Variants in BPTF observed in about 807,000 individuals in gnomAD.
The protein encoded by BPTF is bromodomain PHD finger transcription factor, also known as nucleosome-remodeling factor subunit BPTF.
A neutral mutation model predicts 292.5 loss-of-function variants in BPTF; 18 were observed. The ratio of observed to expected loss-of-function variants is 0.06; its 90% CI spans 0.04 to 0.09. The LOEUF (loss-of-function observed/expected upper bound fraction) is 0.09. Ranked by LOEUF, BPTF falls within the 10% of genes least tolerant of loss-of-function variation. The pLI is 1.00. For missense variants in BPTF, 2,726 were observed against 3,498.7 expected, an observed-to-expected ratio of 0.78 and a Z score of 5.57; for synonymous variants, 1,225 against 1,251.9, an observed-to-expected ratio of 0.98 and a Z score of 0.45.
intron 18 of BPTF, among the ~76,000 whole-genome samples, chr17:67,935,151 CG>C (rs2064810121): frequency 6.6e-6 from 1 of 151,622 alleles, no homozygotes; most frequent in South Asian, 2.1e-4. Context: ...AGACCTGATG[CG>C]GTGGCTCACA....
At chr17:67,922,589 A>G (rs866181205) in intron 13 of BPTF, among the ~76,000 whole-genome samples, 63 of 152,318 alleles carry the variant, frequency 4.1e-4, no homozygotes, top group African/African-American at 1.3e-3. Context: ...GGGGGTCAGC[A>G]AACCACAGCC....
chr17:67,935,998 A>G (rs2064883488), intron 18 of BPTF, among the ~76,000 whole-genome samples: 1 of 151,862 alleles, frequency 6.6e-6, no homozygotes. Context: ...TGACATATCA[A>G]CAGAAGAAAT....
Position 67,911,065 on chromosome 17 carries a change from G to A in BPTF, c.3181G>A (p.Asp1061Asn). Residue 1061 changes from aspartate (D) to asparagine (N), a missense_variant, in exon 11 of 28, where the codon GAT becomes AAT. This residue lies in a region of BPTF where 713 missense variants were observed against 714.9 expected (regional missense o/e 1.00). Transcript: ENST00000306378. ...YKKKTKSSKL[D>N]GLLERRIKQF... ...AAAGAAAACAAAATCATCCAAACTAGATGGACTTCTTGAAAGGAGAATTAA... is the reference window on the plus strand; with the variant it reads ...AAAGAAAACAAAATCATCCAAACTAAATGGACTTCTTGAAAGGAGAATTAA... The A allele has an allele frequency of 6.2e-7, 1 of 1,613,042 alleles. No homozygotes were observed. The highest frequency in any genetic ancestry group is 8.5e-7 in the Non-Finnish European group (1 of 1,179,548).
chr17:67,860,074 A>G (rs1238046580), intron 2 of BPTF, among the ~76,000 whole-genome samples: 3 of 152,210 alleles, frequency 2.0e-5, no homozygotes, highest in Admixed American at 6.5e-5. Flanking sequence ...TCGTCATTCA[A>G]ATTGCCTTTT....
intron 1 of BPTF, among the ~76,000 whole-genome samples, chr17:67,839,355 C>T (rs1184997153): frequency 6.6e-6 from 1 of 151,342 alleles, no homozygotes. Flanking sequence ...TCAGCTATGG[C>T]TATTGTATTT....
Position 67,896,621 on chromosome 17 carries a change from T to G in BPTF, c.2543+2456T>G, listed in dbSNP as rs551556802. Among the ~76,000 whole-genome samples the G allele has an allele frequency of 2.6e-5, 4 of 152,360 alleles. No individual in the cohort carries two copies. The South Asian group carries it at 8.3e-4, about 32-fold the overall frequency. ...CATGTGTGATAACACAATGTTACAG[T>G]ATTGTTTAGGGATATAGACGTTTGT... On this transcript the variant is annotated intron_variant, in intron 7 of 27. Transcript: ENST00000306378.
chr17:67,832,711 C>T (rs2056799479), intron 1 of BPTF, among the ~76,000 whole-genome samples: 1 of 151,896 alleles, frequency 6.6e-6, no homozygotes, highest in African/African-American at 2.4e-5. Context: ...CAGCATCACT[C>T]CCTGTTCTTC....
At chr17:67,857,592 A>C (rs2058779417) in intron 2 of BPTF, among the ~76,000 whole-genome samples, 1 of 149,672 alleles carries the variant, frequency 6.7e-6, no homozygotes, top group Non-Finnish European at 1.5e-5. Flanking sequence ...TCAGCCCACC[A>C]AGTAGCTGGG....
chr17:67,956,008 T>G (rs528038241), intron 23 of BPTF: 1 of 151,660 alleles, frequency 6.6e-6, no homozygotes, highest in Non-Finnish European at 1.5e-5. Flanking sequence ...CTGGGTGTTA[T>G]GATACACGCC....
rs556867085 is a variant in BPTF, at chr17:67,890,073, A to G, written c.1865-1771A>G. Among the ~76,000 whole-genome samples the G allele has an allele frequency of 2.6e-5, 4 of 152,368 alleles. No homozygotes were observed. The South Asian group carries it at 8.3e-4, about 32-fold the overall frequency. Reference sequence around the variant, plus strand: ...GGGCTGGAAATTTGTAGAAATTTCTAGACCTACTTTTGAATTGTATTTTCT... The same window carrying G: ...GGGCTGGAAATTTGTAGAAATTTCTGGACCTACTTTTGAATTGTATTTTCT... On this transcript the variant is annotated intron_variant, in intron 4 of 27. Coordinates refer to ENST00000306378, the MANE Select transcript of BPTF (RefSeq NM_182641.4).
intron 1 of BPTF, among the ~76,000 whole-genome samples, chr17:67,844,765 C>T (rs991995463): frequency 3.3e-5 from 5 of 151,306 alleles, no homozygotes; most frequent in African/African-American, 7.3e-5. Context: ...TTTTTTGAGA[C>T]GGAGTTTCAC....
intron 1 of BPTF, among the ~76,000 whole-genome samples, chr17:67,846,424 T>A (rs2058033959): frequency 6.6e-6 from 1 of 152,198 alleles, no homozygotes; most frequent in Non-Finnish European, 1.5e-5. Flanking sequence ...CAATAGAACT[T>A]TTTGTGATGA....
rs1172028348 is a variant in BPTF at position 67,913,241 on chromosome 17, C to G, written c.5303+54C>G. The G allele has an allele frequency of 7.3e-6, 11 of 1,502,214 alleles. 1 individual carries two copies. In the East Asian group the frequency reaches 2.3e-4, roughly 31 times the overall value. 93.1% of individuals were successfully genotyped at this position (1,502,214 alleles called of 1,614,324 possible). A position where few individuals can be genotyped will look rare whatever the true frequency, so the allele number is the denominator to read the frequency against. On this transcript the variant is annotated intron_variant, in intron 11 of 27. Coordinates refer to ENST00000306378, the MANE Select transcript of BPTF (RefSeq NM_182641.4). ...GGGAGAAAATTTTAAAAAGAATTAT[C>G]TCACAAGAATATCTCATTTTTAAAA... is the stretch of plus-strand genomic sequence containing the variant.
intron 3 of BPTF, among the ~76,000 whole-genome samples, chr17:67,868,662 C>A (rs186405613): frequency 1.3e-5 from 2 of 152,324 alleles, no homozygotes; most frequent in Non-Finnish European, 2.9e-5. Flanking sequence ...GAGTTCTGCT[C>A]TTCTGCATAC....
Position 67,940,472 on chromosome 17 carries a change from G to A in BPTF, c.6293G>A (p.Arg2098Lys). 1 of 1,614,104 alleles carries A rather than the reference G, an allele frequency of 6.2e-7. No homozygotes were observed. The highest frequency in any genetic ancestry group is 8.5e-7 in the Non-Finnish European group (1 of 1,180,014). Residue 2098 changes from arginine to lysine, a missense_variant, in exon 19 of 28, where the codon AGG (arginine) becomes AAG (lysine). By Grantham distance (26) the Arg-to-Lys change is conservative. Coordinates refer to ENST00000306378, the MANE Select transcript of BPTF (RefSeq NM_182641.4). ...CAGCAAGTGATGACTCAAATCATCA[G>A]GGGGCAGCCTGTCTCCACTGCAGTC... ...APQQVMTQII[R>K]GQPVSTAVSA...
At chr17:67,908,010 T>G (rs151029781) in intron 9 of BPTF, among the ~76,000 whole-genome samples, 1 of 152,228 alleles carries the variant, frequency 6.6e-6, no homozygotes, top group African/African-American at 2.4e-5. Flanking sequence ...AAAGTTTATA[T>G]ACATACTTTT....
At chr17:67,917,653 A>G (rs913862034) in intron 11 of BPTF, among the ~76,000 whole-genome samples, 3 of 151,766 alleles carry the variant, frequency 2.0e-5, no homozygotes, top group Non-Finnish European at 2.9e-5. Context: ...TAATTTAGAG[A>G]CAGAGTTTCA....
At chr17:67,969,476 GAGAT>G (rs1239040187) in intron 26 of BPTF, among the ~76,000 whole-genome samples, 9 of 114,852 alleles carry the variant, frequency 7.8e-5, no homozygotes, top group East Asian at 5.5e-4. Context: ...AAAAAAAAAA[GAGAT>G]AGCCATTGCT....
intron 7 of BPTF, among the ~76,000 whole-genome samples, chr17:67,895,462 ATTTTTTT>A (rs1228953258): frequency 7.6e-6 from 1 of 131,008 alleles, no homozygotes; most frequent in Non-Finnish European, 1.6e-5. Context: ...CACCACATAC[ATTTTTTT>A]TTTTTTTTTT....
Sources: gnomAD v4.1 joint callset for allele counts (sites outside exome capture counted in the v4.1 genomes callset) on GRCh38, gnomAD v4.1.1 for gene constraint, gnomAD v4.1.1 regional missense constraint, MANE v1.5 for transcripts, NCBI Gene and HGNC (gene_info 2026-07-23, HGNC 2026-07-21) for gene names.